Variants in ANTXR1 observed in about 807,000 individuals in gnomAD.
ANTXR1 encodes the protein ANTXR cell adhesion molecule 1.
In ANTXR1, 19 loss-of-function variants were observed where a neutral mutation model predicts 78.1. The observed-to-expected ratio is 0.24, with a 90% confidence interval of 0.17 to 0.36. The LOEUF is 0.36. ANTXR1 is among the 10% of genes least tolerant of loss of function. The pLI is 1.00. For synonymous variants in ANTXR1, 273 were observed against 260.5 expected (o/e 1.05, Z -0.46); for missense variants, 518 against 718.6 (o/e 0.72, Z 3.19).
intron 17 of ANTXR1, among the ~76,000 whole-genome samples, chr2:69,223,125 T>C (rs1051477613): frequency 2.6e-5 from 4 of 152,178 alleles, no homozygotes; most frequent in Non-Finnish European, 4.4e-5. Flanking sequence ...AAGTCACCTC[T>C]ACTCAGAAGG....
chr2:69,233,216 T>C (rs958592962), intron 17 of ANTXR1, among the ~76,000 whole-genome samples: 1 of 152,116 alleles, frequency 6.6e-6, no homozygotes, highest in African/African-American at 2.4e-5. Context: ...GTAATTCTTA[T>C]GCTATTTCAG....
At chr2:69,076,150 A>T (rs113743412) in intron 7 of ANTXR1, among the ~76,000 whole-genome samples, 28 of 151,936 alleles carry the variant, frequency 1.8e-4, no homozygotes, top group African/African-American at 3.9e-4. Flanking sequence ...ACTTTTTTTT[A>T]AATTTTTGTA....
intron 12 of ANTXR1, among the ~76,000 whole-genome samples, chr2:69,137,852 G>A (rs888348119): frequency 3.3e-5 from 5 of 150,894 alleles, no homozygotes; most frequent in African/African-American, 9.7e-5. Context: ...GGGAGGCCAA[G>A]GCATGTGGAT....
intron 1 of ANTXR1, among the ~76,000 whole-genome samples, chr2:69,025,654 A>G (rs1039545441): frequency 2.6e-5 from 4 of 152,226 alleles, no homozygotes; most frequent in African/African-American, 9.6e-5. Context: ...AAGACTCCTA[A>G]CTGTAACTTT....
chr2:69,119,478 C>T (rs1237390269), intron 10 of ANTXR1, among the ~76,000 whole-genome samples: 1 of 152,244 alleles, frequency 6.6e-6, no homozygotes. Flanking sequence ...GAGTCAGCCA[C>T]GCCTGTCCCC....
intron 1 of ANTXR1, among the ~76,000 whole-genome samples, chr2:69,020,196 A>G (rs944584812): frequency 2.0e-5 from 3 of 152,156 alleles, no homozygotes; most frequent in Non-Finnish European, 4.4e-5. Context: ...CATCAGAAAA[A>G]TAGTTATCAG....
intron 3 of ANTXR1, among the ~76,000 whole-genome samples, chr2:69,047,650 A>G (rs923423607): frequency 1.3e-5 from 2 of 152,128 alleles, no homozygotes; most frequent in African/African-American, 2.4e-5. Context: ...GGGGGGGGAA[A>G]TTCTGGACCT....
In ANTXR1 at chr2:69,123,132, G is replaced by A. The variant is rs913091024; in HGVS notation, c.872+46G>A. ...GAACCTCCCAGCCAGGGAAGAGAGA[G>A]AGGAGGTGTACGGGGACAGGGGAAA... On this transcript the variant is annotated intron_variant, in intron 11 of 17. Coordinates refer to ENST00000303714, the MANE Select transcript of ANTXR1 (RefSeq NM_032208.3). 4 of 1,590,226 alleles carry A rather than the reference G, an allele frequency of 2.5e-6. No homozygotes were observed. In the African/African-American group the frequency reaches 4.0e-5, roughly 16 times the overall value.
rs1676072311 is a variant in ANTXR1 at position 69,248,725 on chromosome 2, AAAT to A, written c.*3244_*3246del. 6.6e-6 allele frequency: 1 copy of A among 152,222 alleles called. No individual in the cohort carries two copies. The highest frequency in any genetic ancestry group is 2.1e-4 in the South Asian group (1 of 4,828). The allele number at this position is 152,222 out of a possible 1,614,324, so 9.4% of individuals were successfully genotyped here. ...GTAAAATCCATTAAAGAACAGGAAAAAATAATTATAAGATGATAAGCAAATGTT... is the reference window on the plus strand; with the variant it reads ...GTAAAATCCATTAAAGAACAGGAAAAAATTATAAGATGATAAGCAAATGTT... On this transcript the variant is annotated 3_prime_UTR_variant, in exon 18 of 18. Transcript: ENST00000303714.
intron 13 of ANTXR1, among the ~76,000 whole-genome samples, chr2:69,169,911 G>A (rs1251390231): frequency 6.6e-6 from 1 of 152,254 alleles, no homozygotes; most frequent in Non-Finnish European, 1.5e-5. Context: ...TAAATAATCT[G>A]ATATGTGAAT....
At chr2:69,173,973 A>T (rs6713097) in intron 14 of ANTXR1, among the ~76,000 whole-genome samples, 1,696 of 152,322 alleles carry the variant, frequency 0.011, 27 homozygotes, top group South Asian at 0.071. Context: ...TGACTAGTAC[A>T]TTTTATTTGC....
chr2:69,090,559 A>G (rs1048287362), intron 8 of ANTXR1: 1 of 456,194 alleles, frequency 2.2e-6, no homozygotes, highest in South Asian at 2.2e-5. Context: ...CCGCAACCCT[A>G]TGTTAAACCT....
intron 13 of ANTXR1, among the ~76,000 whole-genome samples, chr2:69,168,885 A>G (rs899841535): frequency 3.9e-5 from 6 of 152,256 alleles, no homozygotes; most frequent in African/African-American, 1.4e-4. Flanking sequence ...AAACCCCTGG[A>G]GGCCTTCACT....
chr2:69,187,763 T>A (rs1173888334), intron 16 of ANTXR1, among the ~76,000 whole-genome samples: 3 of 150,390 alleles, frequency 2.0e-5, no homozygotes, highest in Non-Finnish European at 4.4e-5. Context: ...AATTTTTGTA[T>A]TTTTTTTGGT....
chr2:69,157,721 T>C (rs1673565103), intron 13 of ANTXR1, among the ~76,000 whole-genome samples: 1 of 152,172 alleles, frequency 6.6e-6, no homozygotes, highest in African/African-American at 2.4e-5. Flanking sequence ...AAGAAATATT[T>C]GTGGAATGAA....
At chr2:69,030,433 A>T (rs572501674) in intron 1 of ANTXR1, among the ~76,000 whole-genome samples, 12 of 152,236 alleles carry the variant, frequency 7.9e-5, no homozygotes, top group African/African-American at 2.9e-4. Context: ...CTGAATAAAA[A>T]CTTTAAATTT....
intron 17 of ANTXR1, among the ~76,000 whole-genome samples, chr2:69,230,356 G>T (rs1161073566): frequency 1.3e-5 from 2 of 151,714 alleles, no homozygotes. Context: ...TTCCTCAGGG[G>T]CCATCAGAGT....
intron 8 of ANTXR1, among the ~76,000 whole-genome samples, chr2:69,083,768 C>G (rs562833622): frequency 1.8e-4 from 27 of 152,332 alleles, no homozygotes; most frequent in African/African-American, 6.0e-4. Flanking sequence ...CCCCTCCCCT[C>G]TCTTCCAAGA....
intron 12 of ANTXR1, among the ~76,000 whole-genome samples, chr2:69,151,374 T>C (rs1446519174): frequency 6.6e-6 from 1 of 152,052 alleles, no homozygotes. Context: ...CCAGTAGCTG[T>C]AGGGAGGCAG....
Sources: allele counts gnomAD v4.1 joint callset (sites outside exome capture counted in the v4.1 genomes callset), GRCh38; gene constraint gnomAD v4.1.1; transcripts MANE v1.5; gene names NCBI Gene and HGNC (gene_info 2026-07-23, HGNC 2026-07-21).